FNBP1: variants seen among roughly 807,000 people sequenced by gnomAD.
FNBP1 encodes formin binding protein 1.
In FNBP1, 26 loss-of-function variants were observed where a neutral mutation model predicts 90.6. The ratio of observed to expected loss-of-function variants is 0.29; its 90% confidence interval spans 0.21 to 0.40. FNBP1 has a LOEUF of 0.40. Among genes scored for constraint, FNBP1 ranks in the 10% least tolerant of loss-of-function variants. The pLI, the probability that FNBP1 is intolerant of heterozygous loss-of-function variation, is 1.00. For missense variants in FNBP1, 635 were observed against 768.0 expected (o/e 0.83, Z 2.05); for synonymous variants, 260 against 265.2 (o/e 0.98, Z 0.19).
At chr9:129,948,004 G>T (rs906259213) in intron 6 of FNBP1, among the ~76,000 whole-genome samples, 20 of 151,518 alleles carry the variant, frequency 1.3e-4, no homozygotes, top group Non-Finnish European at 2.2e-4. Flanking sequence ...AAAAAAAGGA[G>T]GGGGGCAGGT....
intron 1 of FNBP1, among the ~76,000 whole-genome samples, chr9:129,995,367 C>CG (rs540818629): frequency 2.0e-5 from 3 of 151,962 alleles, no homozygotes; most frequent in East Asian, 3.9e-4. Flanking sequence ...AGCCGAGGAA[C>CG]GGGGGGAAGT....
At chr9:129,901,805 A>G (rs1021665226) in intron 13 of FNBP1, among the ~76,000 whole-genome samples, 3 of 151,982 alleles carry the variant, frequency 2.0e-5, no homozygotes, top group African/African-American at 7.2e-5. Flanking sequence ...CCAGCTACTC[A>G]GGAGGCTGAG....
chr9:129,993,972 A>G (rs7033372), intron 2 of FNBP1, among the ~76,000 whole-genome samples: 147,482 of 152,246 alleles, frequency 0.97, 71,618 homozygotes, highest in East Asian at 1. Context: ...AACACATTAC[A>G]GAAGGGAGTG....
chr9:129,969,762 A>AT (rs1240627632), intron 4 of FNBP1, among the ~76,000 whole-genome samples: 20 of 150,786 alleles, frequency 1.3e-4, no homozygotes, highest in African/African-American at 3.9e-4. Context: ...TTAAAAAAAA[A>AT]TTTTTTTTTA....
At position 129,911,623 on chromosome 9, in the gene FNBP1, T is replaced by A. The variant is rs149523237; in HGVS notation, c.1186-2624A>T. On this transcript the variant is annotated intron_variant, in intron 11 of 16. Transcript: ENST00000446176. ...CTCTTCATCTGTATTTTTAATAATATCCTTTGTAATAAACCAGTAAATGTG... is the reference window on the plus strand; with the variant it reads ...CTCTTCATCTGTATTTTTAATAATAACCTTTGTAATAAACCAGTAAATGTG... 5.3e-4 allele frequency among the ~76,000 whole-genome samples: 81 copies of A among 152,242 alleles called. 2 individuals carry two copies. In the East Asian group the frequency reaches 0.014, roughly 27 times the overall value.
intron 6 of FNBP1, among the ~76,000 whole-genome samples, chr9:129,940,035 TA>T (rs1202817871): frequency 2.0e-5 from 3 of 151,322 alleles, no homozygotes; most frequent in Non-Finnish European, 3.0e-5. Flanking sequence ...ACTCCATTTC[TA>T]AAAAAAAATT....
In FNBP1 at chr9:129,900,751, A is replaced by G. The variant is rs1182456510; in HGVS notation, c.1429-204T>C. Among the ~76,000 whole-genome samples, 1 of 152,248 alleles carries G rather than the reference A, an allele frequency of 6.6e-6. No individual in the cohort carries two copies. Among genetic ancestry groups the G allele is most frequent in the Non-Finnish European group, 1.5e-5 (1 of 68,040 alleles). ...CACGTTTTCTGCCTTCGACTGTTCA[A>G]ATGTACTGAAGGACGGTTGCTTCCA... On this transcript the variant is annotated intron_variant, in intron 13 of 16. Transcript: ENST00000446176. The surrounding 1 kb of genome is among the most constrained non-coding windows in gnomAD (Gnocchi z 4.1).
At chr9:129,935,812 C>G (rs78867009) in intron 6 of FNBP1, among the ~76,000 whole-genome samples, 12,175 of 152,034 alleles carry the variant, frequency 0.08, 548 homozygotes, top group South Asian at 0.098. Flanking sequence ...TCAAGGCTGC[C>G]TATGGCTTTT....
intron 1 of FNBP1, among the ~76,000 whole-genome samples, chr9:130,016,625 T>C (rs1810408383): frequency 6.6e-6 from 1 of 151,930 alleles, no homozygotes; most frequent in Non-Finnish European, 1.5e-5. Context: ...CGCCTGTAAT[T>C]AGAGCTACTC....
chr9:129,953,873 A>C (rs1032103319), intron 6 of FNBP1, among the ~76,000 whole-genome samples: 3 of 151,910 alleles, frequency 2.0e-5, no homozygotes, highest in African/African-American at 7.3e-5. Context: ...AAAAATAGAA[A>C]AGGGAGGCTC....
chr9:129,896,083 G>A (rs574825225), intron 15 of FNBP1, 87 bp from the exon 16 acceptor site: 27 of 1,387,792 alleles, frequency 1.9e-5, no homozygotes, highest in African/African-American at 1.6e-4. Flanking sequence ...AACAAGTGTC[G>A]TCGAAGATGA....
At chr9:129,940,415 G>A (rs965766605) in intron 6 of FNBP1, among the ~76,000 whole-genome samples, 21 of 151,970 alleles carry the variant, frequency 1.4e-4, no homozygotes, top group Admixed American at 8.5e-4. Flanking sequence ...GAGTTAAATA[G>A]AATAATTTGA....
intron 2 of FNBP1, among the ~76,000 whole-genome samples, chr9:129,992,759 G>C (rs1483495319): frequency 6.7e-6 from 1 of 149,370 alleles, no homozygotes; most frequent in Non-Finnish European, 1.5e-5. Context: ...TCACCATCTT[G>C]ACCAGGCTGG....
At chr9:130,000,397 A>C (rs1438828866) in intron 1 of FNBP1, among the ~76,000 whole-genome samples, 1 of 152,110 alleles carries the variant, frequency 6.6e-6, no homozygotes, top group African/African-American at 2.4e-5. Flanking sequence ...AGGCTGAGGC[A>C]GGAGAATTGA....
rs1051520313 is a variant in FNBP1, at chr9:129,957,946, CTT to C, written c.409-484_409-483del. 2.6e-5 allele frequency among the ~76,000 whole-genome samples: 4 copies of C among 152,132 alleles called. No homozygotes were observed. The highest frequency in any genetic ancestry group is 6.6e-5 in the Admixed American group (1 of 15,252). ...TTTATTTCCATCAAAACTGTCTAAT[CTT>C]TATTATTTCCACGTGACTTTTAGAA... On this transcript the variant is annotated intron_variant, in intron 5 of 16. Transcript: ENST00000446176. This position sits in a 1 kb window ranked among gnomAD's most constrained non-coding sequence, Gnocchi z 4.3.
chr9:129,897,931 G>A lies in FNBP1; in HGVS notation c.1688-1935C>T, dbSNP rs547080279. On this transcript the variant is annotated intron_variant, in intron 15 of 16. Coordinates refer to ENST00000446176, the MANE Select transcript of FNBP1 (RefSeq NM_015033.3). ...TGCAACCTCTGCCTCCTGGGTTCAA[G>A]CAATTCTCATGCTTCAGCCTCCCGA... 2.6e-5 allele frequency among the ~76,000 whole-genome samples: 4 copies of A among 152,232 alleles called. No homozygotes were observed. In the South Asian group the frequency reaches 8.3e-4, roughly 32 times the overall value.
At chr9:130,027,044 A>G (rs537709840) in intron 1 of FNBP1, among the ~76,000 whole-genome samples, 2 of 152,078 alleles carry the variant, frequency 1.3e-5, no homozygotes, top group Non-Finnish European at 2.9e-5. Context: ...GGCATGGCTC[A>G]TATTTCAAGG....
chr9:129,973,119 T>C (rs2049750017), intron 4 of FNBP1, among the ~76,000 whole-genome samples: 1 of 152,138 alleles, frequency 6.6e-6, no homozygotes, highest in Admixed American at 6.6e-5. Flanking sequence ...CTTGCATCCT[T>C]TCCTCTCGCT....
the FNBP1 span, among the ~76,000 whole-genome samples, chr9:130,053,070 C>G: frequency 6.6e-6 from 1 of 152,066 alleles, no homozygotes; most frequent in Admixed American, 6.5e-5. Flanking sequence ...GAGCTGAGAT[C>G]GTGCCATTGC....
Sources: allele counts gnomAD v4.1 joint callset (sites outside exome capture counted in the v4.1 genomes callset), GRCh38; gene constraint gnomAD v4.1.1; non-coding constraint Gnocchi (gnomAD v3.1); transcripts MANE v1.5; gene names NCBI Gene and HGNC (gene_info 2026-07-23, HGNC 2026-07-21).